The following INPP4B variants were observed in gnomAD, a reference collection of about 807,000 sequenced individuals.
The protein encoded by INPP4B is inositol polyphosphate-4-phosphatase type II B.
A neutral mutation model predicts 122.5 loss-of-function variants in INPP4B; 55 were observed. That is an observed-to-expected ratio of 0.45 (90% confidence interval 0.36 to 0.56). INPP4B has a LOEUF of 0.56. INPP4B is among the 20% of genes least tolerant of loss of function. The pLI, the probability that INPP4B is intolerant of heterozygous loss-of-function variation, is 0.00. For synonymous variants in INPP4B, 403 were observed against 388.7 expected (o/e 1.04, Z -0.43); for missense variants, 1,000 against 1,097.7 (o/e 0.91, Z 1.26).
At chr4:142,302,865 T>G (rs372364300) in intron 9 of INPP4B, among the ~76,000 whole-genome samples, 1 of 152,196 alleles carries the variant, frequency 6.6e-6, no homozygotes, top group Non-Finnish European at 1.5e-5. Context: ...GGATGTAATA[T>G]AAAGATGTAG....
rs1230466353 is a variant in INPP4B at position 142,813,321 on chromosome 4, G to T, written c.-254+32888C>A. 2.6e-5 allele frequency among the ~76,000 whole-genome samples: 4 copies of T among 152,018 alleles called. No homozygotes were observed. In the East Asian group the frequency reaches 7.7e-4, roughly 29 times the overall value. ...ATTCCTCCCCATTTATTTGATAAAAGATAAACAAAGAAATGCCAGTGGATC... is the reference window on the plus strand; with the variant it reads ...ATTCCTCCCCATTTATTTGATAAAATATAAACAAAGAAATGCCAGTGGATC... On this transcript the variant is annotated intron_variant, in intron 1 of 25. Coordinates refer to ENST00000262992, the MANE Select transcript of INPP4B (RefSeq NM_001101669.3).
At chr4:142,558,793 TAAAAAAAA>T (rs34151070) in intron 2 of INPP4B, among the ~76,000 whole-genome samples, 4 of 75,550 alleles carry the variant, frequency 5.3e-5, no homozygotes, top group Admixed American at 1.5e-4. Context: ...AGACTCCCTC[TAAAAAAAA>T]AAAAAAAAAA....
chr4:142,615,035 A>G (rs1011058208), intron 2 of INPP4B, among the ~76,000 whole-genome samples: 1 of 152,206 alleles, frequency 6.6e-6, no homozygotes. Context: ...AAATTTCACT[A>G]CTGAGTATCC....
At chr4:142,350,415 T>A (rs1781590768) in intron 7 of INPP4B, among the ~76,000 whole-genome samples, 1 of 151,994 alleles carries the variant, frequency 6.6e-6, no homozygotes, top group South Asian at 2.1e-4. Context: ...TTATTTTCTT[T>A]GGTAAAACAA....
intron 1 of INPP4B, among the ~76,000 whole-genome samples, chr4:142,801,439 A>G (rs1402668659): frequency 6.6e-6 from 1 of 152,222 alleles, no homozygotes; most frequent in Non-Finnish European, 1.5e-5. Context: ...AGATACATGC[A>G]GAGACACCAG....
chr4:142,432,075 C>T (rs1396976886), intron 3 of INPP4B, among the ~76,000 whole-genome samples: 3 of 152,032 alleles, frequency 2.0e-5, no homozygotes, highest in African/African-American at 7.2e-5. Context: ...GAAAGACTCT[C>T]CAAGAACTTA....
At chr4:142,595,732 T>C (rs1738550866) in intron 2 of INPP4B, among the ~76,000 whole-genome samples, 1 of 152,166 alleles carries the variant, frequency 6.6e-6, no homozygotes, top group African/African-American at 2.4e-5. Context: ...GGGAACAAAT[T>C]TTGCTTTGCT....
At chr4:142,445,620 T>C (rs2149472333) in intron 3 of INPP4B, among the ~76,000 whole-genome samples, 1 of 152,168 alleles carries the variant, frequency 6.6e-6, no homozygotes, top group South Asian at 2.1e-4. Context: ...CAAACATTCC[T>C]CTAATTGTCA....
At chr4:142,595,213 T>A (rs1296806209) in intron 2 of INPP4B, among the ~76,000 whole-genome samples, 1 of 152,072 alleles carries the variant, frequency 6.6e-6, no homozygotes, top group Non-Finnish European at 1.5e-5. Context: ...GCATTTACTC[T>A]CTTAGTGGTA....
chr4:142,830,384 A>T (rs1170981329), intron 1 of INPP4B, among the ~76,000 whole-genome samples: 1 of 152,132 alleles, frequency 6.6e-6, no homozygotes, highest in African/African-American at 2.4e-5. Context: ...AAGCAATTTC[A>T]TTGGAGTTGT....
intron 3 of INPP4B, among the ~76,000 whole-genome samples, chr4:142,461,949 A>G (rs779853227): frequency 1.3e-5 from 2 of 152,068 alleles, no homozygotes; most frequent in African/African-American, 2.4e-5. Flanking sequence ...CTTACAATGG[A>G]TATTAAGGAC....
intron 15 of INPP4B, among the ~76,000 whole-genome samples, chr4:142,182,760 T>A (rs115180928): frequency 0.011 from 1,635 of 151,870 alleles, 12 homozygotes; most frequent in Non-Finnish European, 0.018. Flanking sequence ...AACCTAAGAG[T>A]CCTTCAATCC....
chr4:142,454,227 T>C (rs1424391934), intron 3 of INPP4B, among the ~76,000 whole-genome samples: 1 of 152,140 alleles, frequency 6.6e-6, no homozygotes, highest in Non-Finnish European at 1.5e-5. Context: ...ATTCATGCCA[T>C]ATGAATTTAT....
At chr4:142,458,711 C>A (rs567774628) in intron 3 of INPP4B, among the ~76,000 whole-genome samples, 5 of 152,060 alleles carry the variant, frequency 3.3e-5, no homozygotes, top group African/African-American at 1.2e-4. Flanking sequence ...CCAGTCGCCA[C>A]GACTTAATTG....
intron 1 of INPP4B, among the ~76,000 whole-genome samples, chr4:142,779,631 T>A (rs1345424560): frequency 6.6e-6 from 1 of 152,116 alleles, no homozygotes; most frequent in Non-Finnish European, 1.5e-5. Flanking sequence ...TCCGTGTTTA[T>A]AACATAAAAG....
intron 25 of INPP4B, among the ~76,000 whole-genome samples, chr4:142,055,726 G>A (rs1042599822): frequency 2.0e-5 from 3 of 151,478 alleles, no homozygotes; most frequent in Admixed American, 6.6e-5. Flanking sequence ...TGTGTTCATG[G>A]AATATTAGAA....
intron 2 of INPP4B, among the ~76,000 whole-genome samples, chr4:142,542,119 C>T (rs758300198): frequency 6.6e-6 from 1 of 152,186 alleles, no homozygotes; most frequent in South Asian, 2.1e-4. Context: ...ATGACCATGG[C>T]TGTCCCTCTC....
intron 17 of INPP4B, among the ~76,000 whole-genome samples, chr4:142,157,978 C>T (rs1405294006): frequency 2.0e-5 from 3 of 152,052 alleles, no homozygotes; most frequent in African/African-American, 7.2e-5. Flanking sequence ...AGGAGAAGTG[C>T]CTGCTCTTCC....
chr4:142,483,651 G>C (rs1294234633), intron 2 of INPP4B, among the ~76,000 whole-genome samples: 1 of 152,032 alleles, frequency 6.6e-6, no homozygotes, highest in Non-Finnish European at 1.5e-5. Flanking sequence ...AAGCTGGGAA[G>C]ATGCCTTATC....
Sources: allele counts gnomAD v4.1 joint callset (sites outside exome capture counted in the v4.1 genomes callset), GRCh38; gene constraint gnomAD v4.1.1; transcripts MANE v1.5; gene names NCBI Gene and HGNC (gene_info 2026-07-23, HGNC 2026-07-21).